Variants in SPRED1 observed in about 807,000 individuals in gnomAD.
SPRED1 encodes the protein sprouty-related, EVH1 domain-containing protein 1.
Under a neutral mutation model 52.3 loss-of-function variants are expected in SPRED1, and 18 were observed. The observed-to-expected ratio is 0.34, with a 90% CI of 0.24 to 0.51. The LOEUF is 0.51. SPRED1 is among the 20% of genes least tolerant of loss of function. SPRED1 has a pLI of 0.97. For synonymous variants in SPRED1, 155 were observed against 179.7 expected, an observed-to-expected ratio of 0.86 and a Z score of 1.10; for missense variants, 485 against 551.0, an observed-to-expected ratio of 0.88 and a Z score of 1.20.
At chr15:38,297,712 TG>T (rs1187479899) in intron 1 of SPRED1, among the ~76,000 whole-genome samples, 15 of 152,078 alleles carry the variant, frequency 9.9e-5, no homozygotes, top group Admixed American at 7.9e-4. Context: ...ATTACCAGGA[TG>T]GTAGTGTCTT....
At chr15:38,315,367 T>A (rs1401331431) in intron 2 of SPRED1, among the ~76,000 whole-genome samples, 1 of 151,910 alleles carries the variant, frequency 6.6e-6, no homozygotes, top group South Asian at 2.1e-4. Flanking sequence ...AATTTAAAAG[T>A]ATATATTTAA....
chr15:38,279,754 G>GGTA (rs1163156253), intron 1 of SPRED1, among the ~76,000 whole-genome samples: 1 of 152,038 alleles, frequency 6.6e-6, no homozygotes, highest in Non-Finnish European at 1.5e-5. Context: ...TAATATTAGT[G>GGTA]GTAGTAGTAG....
intron 1 of SPRED1, among the ~76,000 whole-genome samples, 177 bp downstream of exon 1, chr15:38,253,394 C>T (rs1309922145): frequency 1.3e-5 from 2 of 152,124 alleles, no homozygotes; most frequent in African/African-American, 4.8e-5. Flanking sequence ...CCTCCCCATC[C>T]TCCCACATTT....
At chr15:38,269,328 G>T (rs577188468) in intron 1 of SPRED1, among the ~76,000 whole-genome samples, 1 of 151,932 alleles carries the variant, frequency 6.6e-6, no homozygotes, top group Non-Finnish European at 1.5e-5. Flanking sequence ...CGCTAACCTC[G>T]AACTGTCAGG....
Position 38,355,690 on chromosome 15 carries a change from A to ACT in SPRED1, c.*4026_*4027insCT, listed in dbSNP as rs1888603220. ...ACATTTTTTCCACATAAAACTTAGA[A>ACT]AACTTTAGTTACCTGAAAAGCAAGG... On this transcript the variant is annotated 3_prime_UTR_variant, in exon 7 of 7. Transcript: ENST00000299084. The ACT allele has an allele frequency of 6.6e-6, 1 of 152,228 alleles. No homozygotes were observed. Among genetic ancestry groups the ACT allele is most frequent in the Admixed American group, 6.5e-5 (1 of 15,286 alleles). The allele number at this position is 152,228 out of a possible 1,614,324, so 9.4% of individuals were successfully genotyped here.
rs1461391044 is a variant in SPRED1 at position 38,351,318 on chromosome 15, G to T, written c.989G>T (p.Gly330Val). Residue 330 changes from glycine to valine, a missense_variant, in exon 7 of 7, where the codon GGT becomes GTT. This residue lies in a region of SPRED1 where 205 missense variants were observed against 245.2 expected (regional missense o/e 0.84). Coordinates refer to ENST00000299084, the MANE Select transcript of SPRED1 (RefSeq NM_152594.3). ...AAGTCAAAACGAAGAAAAGAGGATGGTGAACGTTCTCGCTGCGTATACTGC... is the reference window on the plus strand; with the variant it reads ...AAGTCAAAACGAAGAAAAGAGGATGTTGAACGTTCTCGCTGCGTATACTGC... ...IKKSKRRKED[G>V]ERSRCVYCQE... is the part of the protein sequence containing the mutation. The T allele has an allele frequency of 6.2e-7, 1 of 1,614,060 alleles. No individual in the cohort carries two copies.
chr15:38,347,461 C>CTTTTTTTTTTTTTTTTT (rs3075337), intron 5 of SPRED1, among the ~76,000 whole-genome samples: 1 of 93,244 alleles, frequency 1.1e-5, no homozygotes, highest in African/African-American at 4.1e-5. Flanking sequence ...CCGCTTGGAT[C>CTTTTTTTTTTTTTTTTT]TTTTTTTTTT....
At chr15:38,286,094 A>C (rs898741207) in intron 1 of SPRED1, among the ~76,000 whole-genome samples, 3 of 152,000 alleles carry the variant, frequency 2.0e-5, no homozygotes, top group African/African-American at 7.2e-5. Flanking sequence ...AAGTGAAAAA[A>C]TTTAGCCAGG....
At chr15:38,311,425 G>A (rs938093210) in intron 2 of SPRED1, among the ~76,000 whole-genome samples, 1 of 152,090 alleles carries the variant, frequency 6.6e-6, no homozygotes, top group Non-Finnish European at 1.5e-5. Context: ...TGGTGTCAAG[G>A]TAATACTGGC....
rs1888612781 is a variant in SPRED1 at position 38,356,067 on chromosome 15, T to G, written c.*4403T>G. ...TTAAATTGCATCAGTTGTTTTGAAA[T>G]TTTTTCAAGAATAAACTAGTTGAAA... On this transcript the variant is annotated 3_prime_UTR_variant, in exon 7 of 7. Coordinates refer to ENST00000299084, the MANE Select transcript of SPRED1 (RefSeq NM_152594.3). 6.6e-6 allele frequency: 1 copy of G among 152,156 alleles called. No individual in the cohort carries two copies. The highest frequency in any genetic ancestry group is 2.4e-5 in the African/African-American group (1 of 41,452). The allele number at this position is 152,156 out of a possible 1,614,324, so 9.4% of individuals were successfully genotyped here.
At chr15:38,317,070 G>C (rs2140991093) in intron 2 of SPRED1, among the ~76,000 whole-genome samples, 1 of 151,704 alleles carries the variant, frequency 6.6e-6, no homozygotes, top group Middle Eastern at 3.4e-3. Context: ...CCACTGGTTG[G>C]CTTTTAAATT....
At chr15:38,313,612 C>G (rs1223371013) in intron 2 of SPRED1, among the ~76,000 whole-genome samples, 1 of 151,174 alleles carries the variant, frequency 6.6e-6, no homozygotes, top group East Asian at 1.9e-4. Context: ...TTATCCGTTA[C>G]ATTATATTAT....
At position 38,253,307 on chromosome 15, in the gene SPRED1, A is replaced by C; in HGVS notation, c.32+90A>C. On this transcript the variant is annotated intron_variant, in intron 1 of 6. Transcript: ENST00000299084. Reference sequence around the variant, plus strand: ...GACCCATCCGAAACTTGGGTGCCGGAAAGCTTGCGACCCTGGAGAGTTCGG... The same window carrying C: ...GACCCATCCGAAACTTGGGTGCCGGCAAGCTTGCGACCCTGGAGAGTTCGG... The C allele has an allele frequency of 2.3e-6, 3 of 1,301,072 alleles. No homozygotes were observed. In the South Asian group the frequency reaches 3.8e-5, roughly 16 times the overall value. 80.6% of individuals were successfully genotyped at this position (1,301,072 alleles called of 1,614,324 possible). A position where few individuals can be genotyped will look rare whatever the true frequency, so the allele number is the denominator to read the frequency against.
At chr15:38,256,586 G>A (rs945081939) in intron 1 of SPRED1, among the ~76,000 whole-genome samples, 1 of 152,004 alleles carries the variant, frequency 6.6e-6, no homozygotes, top group Non-Finnish European at 1.5e-5. Flanking sequence ...TAGCAAGTTG[G>A]GATTATATTA....
At chr15:38,331,455 T>C (rs764640782) in intron 4 of SPRED1, among the ~76,000 whole-genome samples, 1 of 151,732 alleles carries the variant, frequency 6.6e-6, no homozygotes, top group African/African-American at 2.4e-5. Flanking sequence ...AAAAAAAAAA[T>C]AGAAGTTTGT....
rs1411319673 is a variant in SPRED1 at position 38,261,775 on chromosome 15, G to A, written c.32+8558G>A. ...GTAGTATTTAGTGATACTATTGCAT[G>A]TGATTAAACACATTTTGCTTGAGCT... On this transcript the variant is annotated intron_variant, in intron 1 of 6. Transcript: ENST00000299084. Among the ~76,000 whole-genome samples, 4 of 152,280 alleles carry A rather than the reference G, an allele frequency of 2.6e-5. No homozygotes were observed. The East Asian group carries it at 7.7e-4, about 29-fold the overall frequency.
intron 1 of SPRED1, among the ~76,000 whole-genome samples, chr15:38,287,081 T>C (rs897408686): frequency 6.6e-6 from 1 of 152,216 alleles, no homozygotes; most frequent in Admixed American, 6.5e-5. Flanking sequence ...CCATGTTAAG[T>C]TGAATTGCAT....
At chr15:38,259,069 TAAAC>T (rs1194236148) in intron 1 of SPRED1, among the ~76,000 whole-genome samples, 5 of 152,212 alleles carry the variant, frequency 3.3e-5, no homozygotes, top group African/African-American at 7.2e-5. Context: ...TTGACATACT[TAAAC>T]AAAAGACTTA....
intron 1 of SPRED1, among the ~76,000 whole-genome samples, chr15:38,279,809 T>A (rs534627764): frequency 1.6e-3 from 248 of 152,342 alleles, no homozygotes; most frequent in Middle Eastern, 3.4e-3. Context: ...TAATGTAGAA[T>A]AAGAACTAGG....
Sources: allele counts gnomAD v4.1 joint callset (sites outside exome capture counted in the v4.1 genomes callset), GRCh38; gene constraint gnomAD v4.1.1; regional missense constraint gnomAD v4.1.1; transcripts MANE v1.5; gene names NCBI Gene and HGNC (gene_info 2026-07-23, HGNC 2026-07-21).